The following IZUMO4 variants were observed in gnomAD, a reference collection of about 807,000 sequenced individuals.
The protein encoded by IZUMO4 is izumo sperm-egg fusion protein 4.
Under a neutral mutation model 37.1 loss-of-function variants are expected in IZUMO4, and 51 were observed. That is an observed-to-expected ratio of 1.38 (90% CI 1.10 to 1.74). The LOEUF (loss-of-function observed/expected upper bound fraction) is 1.74. Among genes scored for constraint, IZUMO4 ranks in the 40% most tolerant of loss-of-function variants. IZUMO4 has a pLI of 0.00. For synonymous variants in IZUMO4, 162 were observed against 121.4 expected (o/e 1.33, Z -2.20); for missense variants, 364 against 299.6 (o/e 1.21, Z -1.59).
intron 7 of IZUMO4, 103 bp from the exon 8 acceptor site, chr19:2,098,684 T>C (rs994627877): frequency 5.1e-6 from 8 of 1,569,390 alleles, no homozygotes; most frequent in Non-Finnish European, 6.9e-6. Context: ...CCATAGGGTC[T>C]GGTTCCACCC....
intron 1 of IZUMO4, 39 bp from the exon 2 acceptor site, chr19:2,097,213 G>C (rs759098474): frequency 6.3e-5 from 101 of 1,607,706 alleles, no homozygotes; most frequent in Non-Finnish European, 8.4e-5. Flanking sequence ...GCGAGACCCC[G>C]GGGCAGGCCG....
Position 2,097,255 on chromosome 19 carries a change from G to A in IZUMO4, c.221G>A (p.Arg74Gln). ...LHLAIPAKIT[R>Q]EKLDQVATAV... ...TGGCTTCTCCTCCTGCCCGCAGCCC[G>A]GGAGAAGCTGGACCAAGTGGCGACA... The change falls in exon 2 of 10, where the codon CGG (arginine) becomes CAG (glutamine). Residue 74 changes from arginine to glutamine, a missense_variant. Transcript: ENST00000395301. 1 of 1,612,182 alleles carries A rather than the reference G, an allele frequency of 6.2e-7. No homozygotes were observed. Among genetic ancestry groups the A allele is most frequent in the Non-Finnish European group, 8.5e-7 (1 of 1,179,520 alleles).
rs1412269355 is a variant in IZUMO4, at chr19:2,099,480, G to A, written c.*135G>A. 2 of 390,784 alleles carry A rather than the reference G, an allele frequency of 5.1e-6. No homozygotes were observed. Among genetic ancestry groups the A allele is most frequent in the African/African-American group, 2.1e-5 (1 of 47,814 alleles). The allele number at this position is 390,784 out of a possible 1,614,324, so 24.2% of individuals were successfully genotyped here. A position where few individuals can be genotyped will look rare whatever the true frequency, so the allele number is the denominator to read the frequency against. On this transcript the variant is annotated 3_prime_UTR_variant, in exon 10 of 10. Transcript: ENST00000395301. ...CCCGGACAGAGCTGAGCTGGCCAGG[G>A]CCAGGAGGGCGGGAGGGAGGGAATG...
chr19:2,098,391 C>T (rs574437640), intron 6 of IZUMO4, 45 bp from the exon 7 acceptor site: 14 of 1,613,812 alleles, frequency 8.7e-6, no homozygotes, highest in African/African-American at 1.3e-5. Flanking sequence ...GGAACACTGG[C>T]CACGGCCACT....
At position 2,099,444 on chromosome 19, in the gene IZUMO4, C is replaced by T. The variant is rs1220832521; in HGVS notation, c.*99C>T. ...GCTGGGCTGCTGCTGCCTCAGGACC[C>T]CCTCTCCGACCCCGGACAGAGCTGA... On this transcript the variant is annotated 3_prime_UTR_variant, in exon 10 of 10. Transcript: ENST00000395301. 18 of 815,404 alleles carry T rather than the reference C, an allele frequency of 2.2e-5. No individual in the cohort carries two copies. Among genetic ancestry groups the T allele is most frequent in the African/African-American group, 5.1e-5 (3 of 59,368 alleles). 50.5% of individuals were successfully genotyped at this position (815,404 alleles called of 1,614,324 possible). A position where few individuals can be genotyped will look rare whatever the true frequency, so the allele number is the denominator to read the frequency against.
chr19:2,099,259 G>GTATC lies in IZUMO4; in HGVS notation c.614_617dup (p.Pro207IlefsTer22). On this transcript the variant is annotated frameshift_variant, in exon 10 of 10. Coordinates refer to ENST00000395301, the MANE Select transcript of IZUMO4 (RefSeq NM_001039846.2). LOFTEE classifies it low-confidence loss of function (END_TRUNC). ...GGCAGCCTCGTCTCCCCGCAGCCTG[G>GTATC]TATCGCCAGCCTTAAGGTGTCTGGA... The GTATC allele has an allele frequency of 1.9e-6, 3 of 1,613,226 alleles. No homozygotes were observed. The highest frequency in any genetic ancestry group is 2.5e-6 in the Non-Finnish European group (3 of 1,179,686).
Position 2,098,696 on chromosome 19 carries a change from A to T in IZUMO4, c.537-91A>T, listed in dbSNP as rs370766003. 101 of 1,574,282 alleles carry T rather than the reference A, an allele frequency of 6.4e-5. No individual in the cohort carries two copies. In the African/African-American group the frequency reaches 1.2e-3, roughly 18 times the overall value. Reference sequence around the variant, plus strand: ...TCCCCATAGGGTCTGGTTCCACCCCATCCCAGGTCTGTGGTCAGAGCCTGG... The same window carrying T: ...TCCCCATAGGGTCTGGTTCCACCCCTTCCCAGGTCTGTGGTCAGAGCCTGG... On this transcript the variant is annotated intron_variant, in intron 7 of 9. Transcript: ENST00000395301.
Position 2,098,980 on chromosome 19 carries a change from C to CGTGG in IZUMO4, c.560_561insTGGG (p.Ser188GlyfsTer41), listed in dbSNP as rs2017816509. On this transcript the variant is annotated frameshift_variant, in exon 9 of 10. Transcript: ENST00000395301. LOFTEE classifies it low-confidence loss of function (END_TRUNC). ...ATGTGGTGGTTTCATGAACAGACCA[C>CGTGG]GCTCCTCTGCCTTCTCCTGGCCTGG... 1.2e-6 allele frequency: 2 copies of CGTGG among 1,613,008 alleles called. No individual in the cohort carries two copies. The highest frequency in any genetic ancestry group is 3.3e-5 in the Admixed American group (2 of 60,004).
chr19:2,097,034 C>T lies in IZUMO4; in HGVS notation c.89C>T (p.Ser30Phe). The change falls in exon 1 of 10, where the codon TCC becomes TTC. Residue 30 changes from serine to phenylalanine, a missense_variant. By Grantham distance (155) the Ser-to-Phe change is radical. Transcript: ENST00000395301. ...CACAGCAACTTCTCCAAGAAGTTCT[C>T]CTTCTACCGCCACCATGTGAACTTC... is the stretch of plus-strand genomic sequence containing the variant. The part of the protein sequence containing the change: ...HCHSNFSKKF[S>F]FYRHHVNFKS... 6.2e-7 allele frequency: 1 copy of T among 1,612,498 alleles called. No homozygotes were observed. The highest frequency in any genetic ancestry group is 2.2e-5 in the East Asian group (1 of 44,876).
chr19:2,097,777 C>A, intron 3 of IZUMO4, 152 bp from the exon 4 acceptor site: 1 of 988,198 alleles, frequency 1.0e-6, no homozygotes, highest in Non-Finnish European at 1.5e-6. Flanking sequence ...GGGACCCCTT[C>A]CCTCCGGGCC....
rs148314434 is a variant in IZUMO4, at chr19:2,098,771, C to T, written c.537-16C>T. The T allele has an allele frequency of 2.0e-4, 325 of 1,604,660 alleles. 3 individuals are homozygous for T. The East Asian group carries it at 6.6e-3, about 32-fold the overall frequency. The stretch of plus-strand genomic sequence containing the variant: ...GTGCCCCATGGAGGGGCTGACTGCC[C>T]CACATTGCCTTTCAGACAGGACACG... On this transcript the variant is annotated splice_polypyrimidine_tract_variant and intron_variant, in intron 7 of 9. Transcript: ENST00000395301.
Position 2,098,093 on chromosome 19 carries a change from G to T in IZUMO4, c.439G>T (p.Asp147Tyr), listed in dbSNP as rs2017767543. ...GACCATCTCCTGCAACAACTGCACA[G>T]ACTCGCACGTCGCCTGCTTTGGCTA... ...YETISCNNCTDSHVACFGYNC... is the reference protein window; with the variant it reads ...YETISCNNCTYSHVACFGYNC... Residue 147 changes from aspartate to tyrosine, a missense_variant, in exon 5 of 10, where the codon GAC becomes TAC. Asp to Tyr is a radical substitution (Grantham distance 160, BLOSUM62 -3). Coordinates refer to ENST00000395301, the MANE Select transcript of IZUMO4 (RefSeq NM_001039846.2). 6.2e-7 allele frequency: 1 copy of T among 1,613,558 alleles called. No individual in the cohort carries two copies. Among genetic ancestry groups the T allele is most frequent in the East Asian group, 2.2e-5 (1 of 44,890 alleles).
intron 7 of IZUMO4, 109 bp downstream of exon 7, chr19:2,098,559 G>T: frequency 6.2e-7 from 1 of 1,605,186 alleles, no homozygotes; most frequent in African/African-American, 1.3e-5. Flanking sequence ...TCCTAGAGGG[G>T]CTCCCGAGGA....
At position 2,099,500 on chromosome 19, in the gene IZUMO4, G is replaced by A. The variant is rs977609895; in HGVS notation, c.*155G>A. On this transcript the variant is annotated 3_prime_UTR_variant, in exon 10 of 10. Transcript: ENST00000395301. ...CCAGGGCCAGGAGGGCGGGAGGGAG[G>A]GAATGGGGGTGGGCTGTGCGCAGCA... 2 of 557,878 alleles carry A rather than the reference G, an allele frequency of 3.6e-6. No homozygotes were observed. The highest frequency in any genetic ancestry group is 6.6e-6 in the Non-Finnish European group (2 of 304,762). 34.6% of individuals were successfully genotyped at this position (557,878 alleles called of 1,614,324 possible).
At position 2,099,468 on chromosome 19, in the gene IZUMO4, G is replaced by A. The variant is rs539641861; in HGVS notation, c.*123G>A. 97 of 560,570 alleles carry A rather than the reference G, an allele frequency of 1.7e-4. No individual in the cohort carries two copies. The highest frequency in any genetic ancestry group is 2.9e-4 in the Non-Finnish European group (88 of 304,188). The allele number at this position is 560,570 out of a possible 1,614,324, so 34.7% of individuals were successfully genotyped here. Reference sequence around the variant, plus strand: ...CCCCTCTCCGACCCCGGACAGAGCTGAGCTGGCCAGGGCCAGGAGGGCGGG... The same window carrying A: ...CCCCTCTCCGACCCCGGACAGAGCTAAGCTGGCCAGGGCCAGGAGGGCGGG... On this transcript the variant is annotated 3_prime_UTR_variant, in exon 10 of 10. Coordinates refer to ENST00000395301, the MANE Select transcript of IZUMO4 (RefSeq NM_001039846.2).
At chr19:2,099,056 C>T (rs368754029) in intron 9 of IZUMO4, 27 bp downstream of exon 9, 48 of 1,607,104 alleles carry the variant, frequency 3.0e-5, no homozygotes, top group East Asian at 1.3e-4. Context: ...AGGGAGGCCT[C>T]GGGAGAAGGG....
rs769282496 is a variant in IZUMO4, at chr19:2,097,498, G to T, written c.370+3G>T. ...CATCCAGAACGCCATCATCGAAAGTGAGCAAATAAGGCTTCAGAGGAGGGA... is the reference window on the plus strand; with the variant it reads ...CATCCAGAACGCCATCATCGAAAGTTAGCAAATAAGGCTTCAGAGGAGGGA... On this transcript the variant is annotated splice_donor_region_variant and intron_variant, in intron 3 of 9. Transcript: ENST00000395301. The T allele has an allele frequency of 2.0e-5, 33 of 1,612,132 alleles. No individual in the cohort carries two copies. The highest frequency in any genetic ancestry group is 5.0e-5 in the Admixed American group (3 of 59,998).
Position 2,098,417 on chromosome 19 carries a change from A to G in IZUMO4, c.522-19A>G, listed in dbSNP as rs565300299. The G allele has an allele frequency of 2.5e-6, 4 of 1,613,982 alleles. No homozygotes were observed. The highest frequency in any genetic ancestry group is 2.2e-5 in the East Asian group (1 of 44,884). ...CACGGCCACTCGGCCTCCTGAGTCC[A>G]AACCCACTGTCTTTGTAGAAATAAC... On this transcript the variant is annotated intron_variant, in intron 6 of 9. Coordinates refer to ENST00000395301, the MANE Select transcript of IZUMO4 (RefSeq NM_001039846.2).
intron 3 of IZUMO4, 51 bp downstream of exon 3, chr19:2,097,546 A>G: frequency 1.3e-6 from 2 of 1,500,786 alleles, no homozygotes; most frequent in Non-Finnish European, 1.9e-6. Flanking sequence ...AGCCTCGGAG[A>G]CCCACGGGGC....
Sources: allele counts gnomAD v4.1 joint callset, GRCh38; gene constraint gnomAD v4.1.1; transcripts MANE v1.5; gene names NCBI Gene and HGNC (gene_info 2026-07-23, HGNC 2026-07-21).